The following ACAD8 variants were observed in gnomAD, a reference collection of about 807,000 sequenced individuals.
ACAD8 encodes the protein acyl-CoA dehydrogenase family member 8.
ACAD8 carries 47 observed loss-of-function variants against 53.1 expected under a neutral mutation model. That is an observed-to-expected ratio of 0.89 (90% confidence interval 0.70 to 1.13). The LOEUF is 1.13. ACAD8 is among the 50% of genes most tolerant of loss of function. ACAD8 has a pLI of 0.00. For missense variants in ACAD8, 494 were observed against 535.0 expected, an observed-to-expected ratio of 0.92 and a Z score of 0.76; for synonymous variants, 198 against 201.3, an observed-to-expected ratio of 0.98 and a Z score of 0.14.
chr11:134,261,015 G>T lies in ACAD8; in HGVS notation c.706-29G>T. The T allele has an allele frequency of 6.2e-7, 1 of 1,609,544 alleles. No individual in the cohort carries two copies. The highest frequency in any genetic ancestry group is 8.5e-7 in the Non-Finnish European group (1 of 1,178,004). ...GCCGCCCTACCTGCTGGATTGTTGG[G>T]CAACCACGCAGTCCCTGATTTTTGC... On this transcript the variant is annotated intron_variant, in intron 6 of 10. Coordinates refer to ENST00000281182, the MANE Select transcript of ACAD8 (RefSeq NM_014384.3). The surrounding 1 kb of genome is among the most constrained non-coding windows in gnomAD (Gnocchi z 4.2).
At chr11:134,258,449 C>A in intron 3 of ACAD8, 66 bp from the exon 4 acceptor site, 1 of 1,106,462 alleles carries the variant, frequency 9.0e-7, no homozygotes, top group East Asian at 2.5e-5. Context: ...TCCCCTTCTC[C>A]CCCATTTTTT....
At chr11:134,255,162 A>C (rs1939429729) in intron 1 of ACAD8, among the ~76,000 whole-genome samples, 1 of 152,082 alleles carries the variant, frequency 6.6e-6, no homozygotes, top group Admixed American at 6.5e-5. Flanking sequence ...TTTGAGATGG[A>C]GTCTCTTTCT....
intron 10 of ACAD8, chr11:134,263,257 T>G: frequency 9.9e-7 from 1 of 1,005,156 alleles, no homozygotes; most frequent in Middle Eastern, 5.1e-4. Context: ...AGAGGCTTCT[T>G]TGAGTGACTT....
Position 134,259,878 on chromosome 11 carries a change from A to G in ACAD8, c.705+133A>G, listed in dbSNP as rs772523382. 2.0e-6 allele frequency: 3 copies of G among 1,520,514 alleles called. No homozygotes were observed. In the South Asian group the frequency reaches 3.5e-5, roughly 18 times the overall value. 94.2% of individuals were successfully genotyped at this position (1,520,514 alleles called of 1,614,324 possible). A position where few individuals can be genotyped will look rare whatever the true frequency, so the allele number is the denominator to read the frequency against. On this transcript the variant is annotated intron_variant, in intron 6 of 10. Coordinates refer to ENST00000281182, the MANE Select transcript of ACAD8 (RefSeq NM_014384.3). ...CTTTGAAGCAGTTGCTTCTATTAGG[A>G]TTTTCAACAGGAGCATATGAAATAC...
chr11:134,261,170 A>G lies in ACAD8; in HGVS notation c.832A>G (p.Ile278Val), dbSNP rs1417518919. 1 of 1,613,200 alleles carries G rather than the reference A, an allele frequency of 6.2e-7. No homozygotes were observed. Among genetic ancestry groups the G allele is most frequent in the Non-Finnish European group, 8.5e-7 (1 of 1,179,738 alleles). The change falls in exon 7 of 11, where the codon ATC becomes GTC. Residue 278 changes from isoleucine (I) to valine (V), a missense_variant. By Grantham distance (29) the Ile-to-Val change is conservative (BLOSUM62 3). Transcript: ENST00000281182. This position sits in a 1 kb window ranked among gnomAD's most constrained non-coding sequence, Gnocchi z 4.2. ...IAVRGLNGGR[I>V]NIASCSLGAA... ...CGTGAGAGGACTGAACGGAGGGAGGATCAATATTGGTGAGATACGCAGGGG... is the reference window on the plus strand; with the variant it reads ...CGTGAGAGGACTGAACGGAGGGAGGGTCAATATTGGTGAGATACGCAGGGG...
At position 134,261,253 on chromosome 11, in the gene ACAD8, C is replaced by T. The variant is rs781486443; in HGVS notation, c.842-22C>T. On this transcript the variant is annotated intron_variant, in intron 7 of 10. Transcript: ENST00000281182. This position sits in a 1 kb window ranked among gnomAD's most constrained non-coding sequence, Gnocchi z 4.2. ...CTGCTGTTTTCCAGCTTGGTTGGAACGTCGGCGCTCTTCCCCTCTAGCTTC... is the reference window on the plus strand; with the variant it reads ...CTGCTGTTTTCCAGCTTGGTTGGAATGTCGGCGCTCTTCCCCTCTAGCTTC... 46 of 1,613,928 alleles carry T rather than the reference C, an allele frequency of 2.9e-5. 1 individual carries two copies. Among genetic ancestry groups the T allele is most frequent in the African/African-American group, 9.3e-5 (7 of 74,906 alleles).
At chr11:134,258,702 C>T in intron 4 of ACAD8, 78 bp downstream of exon 4, 1 of 1,089,818 alleles carries the variant, frequency 9.2e-7, no homozygotes, top group Admixed American at 1.9e-5. Context: ...GCACTCCTTC[C>T]AGCCTCTTGA....
In ACAD8 at chr11:134,257,250, A is replaced by G; in HGVS notation, c.373A>G (p.Ile125Val). 1 of 1,614,190 alleles carries G rather than the reference A, an allele frequency of 6.2e-7. No individual in the cohort carries two copies. Among genetic ancestry groups the G allele is most frequent in the East Asian group, 2.2e-5 (1 of 44,874 alleles). The change falls in exon 3 of 11, where the codon ATC becomes GTC. Residue 125 changes from isoleucine (I) to valine (V), a missense_variant. Transcript: ENST00000281182. ...GCTSTTAYIS[I>V]HNMCAWMIDS... ...CACCAGCACCACAGCCTATATAAGC[A>G]TCCACAAGTGAGTGCCCAAGCTTGG...
Position 134,256,597 on chromosome 11 carries a change from T to G in ACAD8, c.159T>G (p.Phe53Leu), listed in dbSNP as rs1196139736. 1 of 1,614,216 alleles carries G rather than the reference T, an allele frequency of 6.2e-7. No individual in the cohort carries two copies. Among genetic ancestry groups the G allele is most frequent in the Non-Finnish European group, 8.5e-7 (1 of 1,180,030 alleles). Residue 53 changes from phenylalanine to leucine, a missense_variant, in exon 2 of 11, where the codon TTT becomes TTG. Transcript: ENST00000281182. ...EEQKEFQKVA[F>L]DFAAREMAPN... ...AGAAAGAATTTCAAAAAGTGGCCTT[T>G]GACTTTGCTGCCCGAGAGATGGCTC...
At chr11:134,262,304 T>C (rs1230686848) in intron 9 of ACAD8, 1 of 668,386 alleles carries the variant, frequency 1.5e-6, no homozygotes, top group South Asian at 1.5e-5. Flanking sequence ...CAGAGGGCTT[T>C]GAGTCGCCTG....
At chr11:134,263,205 G>T in intron 10 of ACAD8, 2 of 1,018,118 alleles carry the variant, frequency 2.0e-6, no homozygotes, top group Non-Finnish European at 1.2e-6. Flanking sequence ...AGCCAGTGCG[G>T]AAGTCTTGAA....
Position 134,259,755 on chromosome 11 carries a change from T to G in ACAD8, c.705+10T>G. The G allele has an allele frequency of 6.2e-7, 1 of 1,614,200 alleles. No homozygotes were observed. ...CAAGAAGGAGAAAAAGGTGAGTGGC[T>G]GTTGGACAGGAAACAATTCAGGTTA... is the stretch of plus-strand genomic sequence containing the variant. On this transcript the variant is annotated intron_variant, in intron 6 of 10. Transcript: ENST00000281182.
At chr11:134,262,318 G>A (rs959318523) in intron 9 of ACAD8, 1 of 667,974 alleles carries the variant, frequency 1.5e-6, no homozygotes, top group Non-Finnish European at 2.7e-6. Flanking sequence ...TCGCCTGTCT[G>A]GGGGGAACTG....
chr11:134,254,475 A>T (rs1403783858), intron 1 of ACAD8, among the ~76,000 whole-genome samples: 2 of 152,220 alleles, frequency 1.3e-5, no homozygotes, highest in African/African-American at 4.8e-5. Flanking sequence ...GTTTATAAAC[A>T]CTTTTTTCTT....
At chr11:134,264,092 C>T (rs996920571) in intron 10 of ACAD8, 10 of 973,068 alleles carry the variant, frequency 1.0e-5, no homozygotes, top group Non-Finnish European at 1.2e-5. Flanking sequence ...TGTCTATAAT[C>T]GCCGCACTTT....
At chr11:134,255,285 G>A (rs749722384) in intron 1 of ACAD8, among the ~76,000 whole-genome samples, 1 of 152,106 alleles carries the variant, frequency 6.6e-6, no homozygotes, top group Non-Finnish European at 1.5e-5. Flanking sequence ...TACAGCACAT[G>A]CCACCATGCC....
chr11:134,262,603 G>T lies in ACAD8; in HGVS notation c.1176G>T (p.Arg392Ser), dbSNP rs766307334. ...TTCAGCAGTACGTGCGGGACTCCAGGGTCCACCAGATTCTAGAAGGTAAAA... is the reference window on the plus strand; with the variant it reads ...TTCAGCAGTACGTGCGGGACTCCAGTGTCCACCAGATTCTAGAAGGTAAAA... ...YAVQQYVRDS[R>S]VHQILEGSNE... The change falls in exon 10 of 11, where the codon AGG becomes AGT. Residue 392 changes from arginine (R) to serine (S), a missense_variant. Coordinates refer to ENST00000281182, the MANE Select transcript of ACAD8 (RefSeq NM_014384.3). 2 of 1,613,898 alleles carry T rather than the reference G, an allele frequency of 1.2e-6. No individual in the cohort carries two copies. The highest frequency in any genetic ancestry group is 4.5e-5 in the East Asian group (2 of 44,874).
Position 134,264,899 on chromosome 11 carries a change from C to G in ACAD8, c.1196-9C>G, listed in dbSNP as rs766461042. ...CTGTGAAATTCTTCCTCCTTCCTCCCTCTTACAGGTAGCAATGAAGTGATG... is the reference window on the plus strand; with the variant it reads ...CTGTGAAATTCTTCCTCCTTCCTCCGTCTTACAGGTAGCAATGAAGTGATG... On this transcript the variant is annotated splice_polypyrimidine_tract_variant and intron_variant, in intron 10 of 10. Transcript: ENST00000281182. 3.7e-6 allele frequency: 6 copies of G among 1,613,822 alleles called. No individual in the cohort carries two copies. Among genetic ancestry groups the G allele is most frequent in the Admixed American group, 1.7e-5 (1 of 60,004 alleles).
intron 3 of ACAD8, 41 bp from the exon 4 acceptor site, chr11:134,258,472 CTT>C (rs1162940522): frequency 1.4e-6 from 2 of 1,438,326 alleles, no homozygotes; most frequent in Non-Finnish European, 1.9e-6. Flanking sequence ...TCTTTTCCAT[CTT>C]TATTTCTGTC....
Sources: gnomAD v4.1 joint callset for allele counts (sites outside exome capture counted in the v4.1 genomes callset) on GRCh38, gnomAD v4.1.1 for gene constraint, Gnocchi (gnomAD v3.1) non-coding constraint, MANE v1.5 for transcripts, NCBI Gene and HGNC (gene_info 2026-07-23, HGNC 2026-07-21) for gene names.